The following PLEKHG7 variants were observed in gnomAD, a reference collection of about 807,000 sequenced individuals.
The protein encoded by PLEKHG7 is pleckstrin homology and RhoGEF domain containing G7.
In PLEKHG7, 77 loss-of-function variants were observed where a neutral mutation model predicts 85.2. The observed-to-expected ratio is 0.90, with a 90% CI of 0.75 to 1.09. The LOEUF (loss-of-function observed/expected upper bound fraction) is 1.09. Among genes scored for constraint, PLEKHG7 ranks in the 50% least tolerant of loss-of-function variants. The pLI is 0.00. For missense variants in PLEKHG7, 777 were observed against 804.3 expected (o/e 0.97, Z 0.41); for synonymous variants, 301 against 302.4 (o/e 1.00, Z 0.05).
At chr12:92,763,641 C>A (rs1310663722) in intron 14 of PLEKHG7, among the ~76,000 whole-genome samples, 2 of 152,072 alleles carry the variant, frequency 1.3e-5, no homozygotes, top group South Asian at 2.1e-4. Flanking sequence ...ATAGTGAGAT[C>A]CCATCTCTAC....
chr12:92,736,678 C>T (rs771311304), intron 6 of PLEKHG7, 101 bp downstream of exon 6: 2 of 671,394 alleles, frequency 3.0e-6, no homozygotes, highest in Non-Finnish European at 4.2e-6. Context: ...AGATTACTGC[C>T]TTGTTTATAG....
chr12:92,709,649 G>A (rs1245574128), intron 3 of PLEKHG7, among the ~76,000 whole-genome samples: 7 of 152,196 alleles, frequency 4.6e-5, no homozygotes, highest in Middle Eastern at 3.2e-3. Flanking sequence ...TCAATGGGAT[G>A]CATGAAGCCA....
At chr12:92,751,956 G>T (rs1335287937) in intron 10 of PLEKHG7, among the ~76,000 whole-genome samples, 1 of 151,856 alleles carries the variant, frequency 6.6e-6, no homozygotes, top group East Asian at 1.9e-4. Context: ...GGTCAAGGCT[G>T]CAGTGAGCCA....
Position 92,771,900 on chromosome 12 carries a change from C to T in PLEKHG7, c.*1705C>T, listed in dbSNP as rs1432249392. ...GACTAAATTAACAAAATATATAAAA[C>T]AGCTCAAGAATATGCTGTACATAAA... On this transcript the variant is annotated 3_prime_UTR_variant, in exon 17 of 17. Transcript: ENST00000344636. The T allele has an allele frequency of 1.3e-5, 2 of 151,992 alleles. No homozygotes were observed. Among genetic ancestry groups the T allele is most frequent in the Non-Finnish European group, 2.9e-5 (2 of 67,924 alleles). The allele number at this position is 151,992 out of a possible 1,614,324, so 9.4% of individuals were successfully genotyped here. A position where few individuals can be genotyped will look rare whatever the true frequency, so the allele number is the denominator to read the frequency against.
chr12:92,715,504 C>G (rs1239150786), intron 3 of PLEKHG7, among the ~76,000 whole-genome samples: 1 of 152,042 alleles, frequency 6.6e-6, no homozygotes, highest in Non-Finnish European at 1.5e-5. Context: ...AAAACAAAAA[C>G]AAACCGAGAC....
chr12:92,724,445 C>T (rs937934942), intron 3 of PLEKHG7, among the ~76,000 whole-genome samples: 6 of 152,006 alleles, frequency 3.9e-5, no homozygotes, highest in African/African-American at 4.8e-5. Context: ...CAAACAGGAC[C>T]GTAGAATGCT....
chr12:92,750,259 T>C (rs967567373), intron 10 of PLEKHG7, among the ~76,000 whole-genome samples: 1 of 152,060 alleles, frequency 6.6e-6, no homozygotes, highest in African/African-American at 2.4e-5. Flanking sequence ...GCCTTTTATG[T>C]CCAATCTCTC....
chr12:92,753,092 G>A (rs11106694), intron 10 of PLEKHG7, among the ~76,000 whole-genome samples: 82,127 of 152,034 alleles, frequency 0.54, 22,931 homozygotes, highest in East Asian at 0.9. Context: ...AGTTTTTGGC[G>A]TTAAAAGTAA....
At chr12:92,707,975 G>A in intron 3 of PLEKHG7, 1 of 430,172 alleles carries the variant, frequency 2.3e-6, no homozygotes, top group East Asian at 4.0e-5. Flanking sequence ...GTTTTGTCTG[G>A]TAGAGAAAAT....
intron 10 of PLEKHG7, among the ~76,000 whole-genome samples, chr12:92,750,788 C>T (rs942031978): frequency 6.6e-6 from 1 of 152,112 alleles, no homozygotes; most frequent in African/African-American, 2.4e-5. Flanking sequence ...GTCTCCATCC[C>T]TGCCAACCTC....
At chr12:92,703,550 G>A (rs1871145768) in intron 1 of PLEKHG7, among the ~76,000 whole-genome samples, 2 of 152,190 alleles carry the variant, frequency 1.3e-5, no homozygotes. Flanking sequence ...GTTCTTTGAT[G>A]TCCTCTTGGT....
At chr12:92,707,628 A>G in intron 2 of PLEKHG7, 22 bp from the exon 3 acceptor site, 2 of 1,611,722 alleles carry the variant, frequency 1.2e-6, no homozygotes, top group Non-Finnish European at 1.7e-6. Context: ...ACTAAAACAT[A>G]TGTTCTTAAA....
At chr12:92,706,381 G>C (rs1269305489) in intron 1 of PLEKHG7, 90 bp from the exon 2 acceptor site, 1 of 445,982 alleles carries the variant, frequency 2.2e-6, no homozygotes, top group Non-Finnish European at 3.9e-6. Flanking sequence ...TGAAGAATTA[G>C]AAGTTTTCCT....
intron 4 of PLEKHG7, 32 bp from the exon 5 acceptor site, chr12:92,732,201 C>A: frequency 8.3e-7 from 1 of 1,211,360 alleles, no homozygotes; most frequent in Non-Finnish European, 1.0e-6. Flanking sequence ...TCTAAGTACT[C>A]GTAATAATAT....
At chr12:92,722,371 C>T (rs189995346) in intron 3 of PLEKHG7, among the ~76,000 whole-genome samples, 132 of 152,300 alleles carry the variant, frequency 8.7e-4, no homozygotes, top group African/African-American at 2.8e-3. Flanking sequence ...CTCTGCATGG[C>T]TACAATGGTG....
At chr12:92,754,977 G>A (rs984714395) in intron 11 of PLEKHG7, among the ~76,000 whole-genome samples, 1 of 151,914 alleles carries the variant, frequency 6.6e-6, no homozygotes, top group Non-Finnish European at 1.5e-5. Context: ...TGTTTAATTG[G>A]GTTTTTCTTC....
At chr12:92,711,535 G>A (rs1056289506) in intron 3 of PLEKHG7, among the ~76,000 whole-genome samples, 4 of 152,168 alleles carry the variant, frequency 2.6e-5, no homozygotes, top group Admixed American at 6.5e-5. Flanking sequence ...GTTCATGATA[G>A]GCAGTTCAGG....
intron 4 of PLEKHG7, among the ~76,000 whole-genome samples, chr12:92,729,690 CA>C (rs1431809827): frequency 6.6e-6 from 1 of 152,146 alleles, no homozygotes; most frequent in Non-Finnish European, 1.5e-5. Flanking sequence ...ATAGGTAAAT[CA>C]AAGCCTTTGA....
intron 10 of PLEKHG7, among the ~76,000 whole-genome samples, chr12:92,745,956 T>TAC (rs1449058627): frequency 6.6e-6 from 1 of 152,228 alleles, no homozygotes; most frequent in Non-Finnish European, 1.5e-5. Flanking sequence ...CAGGAGTTAG[T>TAC]TCCAGCATAG....
Sources: allele counts gnomAD v4.1 joint callset (sites outside exome capture counted in the v4.1 genomes callset), GRCh38; gene constraint gnomAD v4.1.1; transcripts MANE v1.5; gene names NCBI Gene and HGNC (gene_info 2026-07-23, HGNC 2026-07-21).